The following SHBG variants were observed in gnomAD, a reference collection of about 807,000 sequenced individuals.
SHBG encodes sex hormone binding globulin.
Under a neutral mutation model 41.9 loss-of-function variants are expected in SHBG, and 37 were observed. The ratio of observed to expected loss-of-function variants is 0.88; its 90% CI spans 0.68 to 1.16. The LOEUF (loss-of-function observed/expected upper bound fraction) is 1.16, where lower values mean the gene tolerates loss of function less well. SHBG is among the 50% of genes most tolerant of loss of function. SHBG has a pLI of 0.00. For synonymous variants in SHBG, 217 were observed against 205.8 expected (o/e 1.05, Z -0.47); for missense variants, 466 against 499.9 (o/e 0.93, Z 0.65).
At chr17:7,626,687 C>T (rs868250367), upstream of SHBG, 76 of 1,612,202 alleles carry the variant, frequency 4.7e-5, no homozygotes, top group African/African-American at 7.2e-4. Context: ...TCTTTCAACC[C>T]GGGTCCCCCC....
At chr17:7,626,087 G>C (rs1205568407), upstream of SHBG, 1 of 177,910 alleles carries the variant, frequency 5.6e-6, no homozygotes, top group Non-Finnish European at 1.2e-5. Context: ...CCAGCTACTC[G>C]GGAGGCTGAG....
intron 1 of SHBG, among the ~76,000 whole-genome samples, chr17:7,617,425 A>G (rs2150954635): frequency 6.6e-6 from 1 of 152,074 alleles, no homozygotes; most frequent in Admixed American, 6.6e-5. Flanking sequence ...CAGTCTGGTG[A>G]AATTCCATCT....
rs1482692506 is a variant in SHBG, at chr17:7,614,112, G to GT, written c.-62+2dup. The GT allele has an allele frequency of 1.8e-6, 1 of 543,564 alleles. No individual in the cohort carries two copies. The highest frequency in any genetic ancestry group is 3.5e-6 in the Non-Finnish European group (1 of 285,242). 33.7% of individuals were successfully genotyped at this position (543,564 alleles called of 1,614,324 possible). ...GGGGAAGATGTGATTAAGGTCTAAGGTATGTCTTCCACCAGACAACGGACA... is the reference window on the plus strand; with the variant it reads ...GGGGAAGATGTGATTAAGGTCTAAGGTTATGTCTTCCACCAGACAACGGACA... On this transcript the variant is annotated splice_donor_variant, in intron 1 of 5. Transcript: ENST00000570547. LOFTEE classifies it low-confidence loss of function (5UTR_SPLICE).
In SHBG at chr17:7,633,335, A is replaced by T; in HGVS notation, c.1192A>T (p.Thr398Ser). 1.2e-6 allele frequency: 2 copies of T among 1,614,162 alleles called. No individual in the cohort carries two copies. Among genetic ancestry groups the T allele is most frequent in the Non-Finnish European group, 1.7e-6 (2 of 1,180,016 alleles). ...CTGCCCCCAGAGCCCAGGCAATGGC[A>T]CTGACGCTTCCCATTAAAGCTCCAC... Reference protein sequence around the residue: ...HSCPQSPGNGTDASH With the variant: ...HSCPQSPGNGSDASH The change falls in exon 8 of 8, where the codon ACT becomes TCT. Residue 398 changes from threonine (T) to serine (S), a missense_variant. Transcript: ENST00000380450.
In SHBG at chr17:7,631,322, T is replaced by TG. The variant is rs1597920187; in HGVS notation, c.522dup (p.Leu175AlafsTer39). The TG allele has an allele frequency of 1.9e-6, 3 of 1,613,786 alleles. No homozygotes were observed. Among genetic ancestry groups the TG allele is most frequent in the South Asian group, 1.1e-5 (1 of 91,058 alleles). On this transcript the variant is annotated frameshift_variant, in exon 4 of 8. Coordinates refer to ENST00000380450, the MANE Select transcript of SHBG (RefSeq NM_001040.5). LOFTEE classifies it high-confidence loss of function. ...GCCATCCCATCATGAGGATTGCGCT[T>TG]GGGGGGCTGCTCTTCCCCGCTTCCA...
At chr17:7,626,472 G>C, upstream of SHBG, 3 of 1,614,048 alleles carry the variant, frequency 1.9e-6, no homozygotes, top group Non-Finnish European at 2.5e-6. Flanking sequence ...CTTTCTCGTT[G>C]CCTCTCCTTG....
intron 1 of SHBG, chr17:7,614,154 G>A (rs1597885227): frequency 4.8e-6 from 3 of 623,152 alleles, no homozygotes; most frequent in Non-Finnish European, 3.0e-6. Flanking sequence ...ATTAGAAGCT[G>A]GGTAAAGGGG....
chr17:7,623,479 G>A (rs1164704857), upstream of SHBG, among the ~76,000 whole-genome samples: 2 of 152,146 alleles, frequency 1.3e-5, no homozygotes, highest in Non-Finnish European at 2.9e-5. Flanking sequence ...TGTTTTTTGA[G>A]ACAGGGCTTT....
chr17:7,614,863 A>T (rs1162708932), intron 1 of SHBG: 1 of 157,664 alleles, frequency 6.3e-6, no homozygotes, highest in Non-Finnish European at 1.4e-5. Flanking sequence ...GCCGCTCCAC[A>T]GCCTCCACCT....
Position 7,630,768 on chromosome 17 carries a change from C to A in SHBG, c.292C>A (p.Leu98Met). ...CAACCCTAAGGATGACTGGTTTATG[C>A]TGGGACTTCGAGACGGCAGGCCTGA... ...DTNPKDDWFM[L>M]GLRDGRPEIQ... is the part of the protein sequence containing the mutation. Residue 98 changes from leucine (L) to methionine (M), a missense_variant, in exon 3 of 8, where the codon CTG (leucine) becomes ATG (methionine). Leu to Met is a conservative substitution (Grantham distance 15). Coordinates refer to ENST00000380450, the MANE Select transcript of SHBG (RefSeq NM_001040.5). This position sits in a 1 kb window ranked among gnomAD's most constrained non-coding sequence, Gnocchi z 4.6. 1.2e-6 allele frequency: 2 copies of A among 1,613,972 alleles called. No homozygotes were observed. The highest frequency in any genetic ancestry group is 1.7e-6 in the Non-Finnish European group (2 of 1,179,946).
chr17:7,629,222 A>G (rs2072320730), upstream of SHBG, among the ~76,000 whole-genome samples: 2 of 151,552 alleles, frequency 1.3e-5, no homozygotes, highest in South Asian at 4.1e-4. Context: ...AAAAACACAA[A>G]AAAATTTGCT....
chr17:7,624,720 C>T (rs1436053508), upstream of SHBG, among the ~76,000 whole-genome samples: 1 of 151,488 alleles, frequency 6.6e-6, no homozygotes, highest in African/African-American at 2.4e-5. Flanking sequence ...GGCATGATCT[C>T]GGCTCACTGC....
At chr17:7,624,933 C>T (rs2072165464), upstream of SHBG, among the ~76,000 whole-genome samples, 1 of 143,870 alleles carries the variant, frequency 7.0e-6, no homozygotes, top group South Asian at 2.2e-4. Context: ...GCTGGGATTA[C>T]AGGCGTGAGC....
At position 7,631,894 on chromosome 17, in the gene SHBG, A is replaced by G. The variant is rs779566553; in HGVS notation, c.731A>G (p.His244Arg). The change falls in exon 6 of 8, where the codon CAT (histidine) becomes CGT (arginine). Residue 244 changes from histidine (H) to arginine (R), a missense_variant. By Grantham distance (29) the His-to-Arg change is conservative. Coordinates refer to ENST00000380450, the MANE Select transcript of SHBG (RefSeq NM_001040.5). Reference sequence around the variant, plus strand: ...CTCCCCACAGACATTCCCCAGCCTCATGCAGAGCCCTGGGCCTTCTCTTTG... The same window carrying G: ...CTCCCCACAGACATTCCCCAGCCTCGTGCAGAGCCCTGGGCCTTCTCTTTG... Reference protein sequence around the residue: ...EFNLRDIPQPHAEPWAFSLDL... With the variant: ...EFNLRDIPQPRAEPWAFSLDL... 2 of 1,614,098 alleles carry G rather than the reference A, an allele frequency of 1.2e-6. No individual in the cohort carries two copies. Among genetic ancestry groups the G allele is most frequent in the South Asian group, 2.2e-5 (2 of 91,086 alleles).
At chr17:7,622,045 A>G (rs888200012) in intron 1 of SHBG, among the ~76,000 whole-genome samples, 3 of 149,916 alleles carry the variant, frequency 2.0e-5, no homozygotes, top group African/African-American at 7.4e-5. Flanking sequence ...GGGTTTCACC[A>G]TGTTGGTCAG....
At chr17:7,632,071 G>A (rs888773606) in intron 6 of SHBG, 56 bp downstream of exon 6, 24 of 1,559,162 alleles carry the variant, frequency 1.5e-5, no homozygotes, top group Middle Eastern at 1.7e-4. Context: ...AGCAATGAGG[G>A]AAGAGGGGAG....
chr17:7,627,544 C>A, upstream of SHBG: 1 of 1,606,954 alleles, frequency 6.2e-7, no homozygotes, highest in Non-Finnish European at 8.5e-7. The surrounding 1 kb of genome is among the most constrained non-coding windows in gnomAD (Gnocchi z 4.8). Context: ...ACTCTGACCC[C>A]CGGGTTACCG....
upstream of SHBG, among the ~76,000 whole-genome samples, chr17:7,624,943 CTTTT>C (rs907499817): frequency 4.6e-4 from 43 of 93,736 alleles, no homozygotes; most frequent in African/African-American, 1.8e-3. Flanking sequence ...CAGGCGTGAG[CTTTT>C]TTTTTTTTTT....
upstream of SHBG, among the ~76,000 whole-genome samples, chr17:7,628,508 G>A (rs1364351358): frequency 2.0e-5 from 3 of 151,644 alleles, no homozygotes; most frequent in Non-Finnish European, 4.4e-5. Flanking sequence ...GTGCAGTGGC[G>A]CGATCTCGGC....
Sources: allele counts gnomAD v4.1 joint callset (sites outside exome capture counted in the v4.1 genomes callset), GRCh38; gene constraint gnomAD v4.1.1; non-coding constraint Gnocchi (gnomAD v3.1); transcripts MANE v1.5; gene names NCBI Gene and HGNC (gene_info 2026-07-23, HGNC 2026-07-21).